CPT1A: variants seen among roughly 807,000 people sequenced by gnomAD.
The protein encoded by CPT1A is carnitine O-palmitoyltransferase 1, liver isoform.
CPT1A carries 64 observed loss-of-function variants against 100.8 expected under a neutral mutation model. That is an observed-to-expected ratio of 0.63 (90% CI 0.52 to 0.78). CPT1A has a LOEUF of 0.78. Ranked by LOEUF, CPT1A falls within the 30% of genes least tolerant of loss-of-function variation. The pLI is 0.00. For missense variants in CPT1A, 802 were observed against 1,034.1 expected (o/e 0.78, Z 3.08); for synonymous variants, 363 against 396.0 (o/e 0.92, Z 0.99).
At chr11:68,760,430 C>G (rs1212677560) in intron 16 of CPT1A, 92 bp from the exon 17 acceptor site, 6 of 967,016 alleles carry the variant, frequency 6.2e-6, no homozygotes, top group Non-Finnish European at 9.6e-6. Context: ...CTGGCTTGGT[C>G]TTTTGATTGT....
intron 15 of CPT1A, among the ~76,000 whole-genome samples, chr11:68,762,039 C>T (rs577486799): frequency 3.9e-5 from 6 of 152,336 alleles, no homozygotes; most frequent in East Asian, 3.9e-4. Flanking sequence ...TGGAGTCAGG[C>T]GGACCCAGTG....
intron 5 of CPT1A, among the ~76,000 whole-genome samples, chr11:68,803,760 A>AATAAAATAAAATAAAATAAG (rs1855968962): frequency 6.6e-6 from 1 of 150,878 alleles, no homozygotes; most frequent in Admixed American, 6.6e-5. Flanking sequence ...AATAAAATAA[A>AATAAAATAAAATAAAATAAG]GCTTTAAAAA....
chr11:68,783,655 G>T (rs950605749), intron 10 of CPT1A, among the ~76,000 whole-genome samples: 1 of 152,234 alleles, frequency 6.6e-6, no homozygotes, highest in African/African-American at 2.4e-5. Flanking sequence ...TCCCCCTGAT[G>T]CTGGGCAATG....
At chr11:68,827,871 T>C (rs879783) in intron 1 of CPT1A, among the ~76,000 whole-genome samples, 111,980 of 151,956 alleles carry the variant, frequency 0.74, 43,739 homozygotes, top group Non-Finnish European at 0.87. Context: ...AGCTGCCCCA[T>C]GCCCACCTAC....
chr11:68,758,068 G>A (rs1256950469), intron 18 of CPT1A, among the ~76,000 whole-genome samples: 8 of 152,128 alleles, frequency 5.3e-5, no homozygotes, highest in African/African-American at 1.9e-4. Flanking sequence ...AGGAGTTCAA[G>A]ACCAGCCTGG....
chr11:68,818,458 C>T (rs1594366732), intron 1 of CPT1A: 1 of 152,236 alleles, frequency 6.6e-6, no homozygotes, highest in East Asian at 1.9e-4. Flanking sequence ...CGGGAGGTAT[C>T]AGCACAGAAC....
intron 9 of CPT1A, chr11:68,785,770 T>C (rs1408621982): frequency 1.9e-6 from 1 of 521,062 alleles, no homozygotes; most frequent in East Asian, 3.3e-5. Flanking sequence ...TATTAATTAA[T>C]GACAATAGGG....
chr11:68,794,769 G>T, intron 8 of CPT1A, 35 bp downstream of exon 8: 1 of 1,526,026 alleles, frequency 6.6e-7, no homozygotes. Context: ...AAAGCTGTTT[G>T]AAAATAATTT....
chr11:68,762,380 A>G (rs1250662533), intron 15 of CPT1A, among the ~76,000 whole-genome samples: 1 of 152,218 alleles, frequency 6.6e-6, no homozygotes, highest in African/African-American at 2.4e-5. Flanking sequence ...GACTCTCAGG[A>G]AGTAGAATAT....
intron 1 of CPT1A, among the ~76,000 whole-genome samples, chr11:68,831,497 C>G (rs906714790): frequency 2.6e-5 from 4 of 152,184 alleles, no homozygotes; most frequent in African/African-American, 9.7e-5. Context: ...TAAATAATTT[C>G]TGAGTGGGGC....
chr11:68,787,462 A>G (rs1046984443), intron 9 of CPT1A, among the ~76,000 whole-genome samples: 2 of 151,636 alleles, frequency 1.3e-5, no homozygotes, highest in Non-Finnish European at 2.9e-5. Context: ...ACAGCTGGGT[A>G]GAAACACAGT....
At chr11:68,816,275 C>T (rs889419119) in intron 1 of CPT1A, among the ~76,000 whole-genome samples, 38 of 152,326 alleles carry the variant, frequency 2.5e-4, no homozygotes, top group Middle Eastern at 3.4e-3. Context: ...TTTCGAGAAA[C>T]TGTTCTAGGG....
intron 4 of CPT1A, among the ~76,000 whole-genome samples, chr11:68,804,421 C>A (rs1281955114): frequency 6.6e-6 from 1 of 152,118 alleles, no homozygotes; most frequent in Non-Finnish European, 1.5e-5. Context: ...CATGGCAAAA[C>A]CCCACCTCTA....
chr11:68,823,071 G>A (rs77957876), intron 1 of CPT1A, among the ~76,000 whole-genome samples: 1,786 of 151,974 alleles, frequency 0.012, 16 homozygotes, highest in Non-Finnish European at 0.02. Flanking sequence ...GCAACATGGC[G>A]AAACCCTGTC....
chr11:68,807,624 C>A lies in CPT1A; in HGVS notation c.296G>T (p.Ser99Ile). The A allele has an allele frequency of 6.2e-7, 1 of 1,614,104 alleles. No homozygotes were observed. Among genetic ancestry groups the A allele is most frequent in the African/African-American group, 1.3e-5 (1 of 75,066 alleles). The change falls in exon 4 of 19, where the codon AGC becomes ATC. Residue 99 changes from serine to isoleucine, a missense_variant. Around this residue, in one of 4 missense-constraint regions of CPT1A, gnomAD observed 161 missense variants for 183.7 expected, o/e 0.88. Coordinates refer to ENST00000265641, the MANE Select transcript of CPT1A (RefSeq NM_001876.4). ...GCCGCTGACCACGTTCTTCGTCTGG[C>A]TGGACATGCAGTTGCTGTGGAGACA... ...RTLETANCMS[S>I]QTKNVVSGVL...
intron 14 of CPT1A, among the ~76,000 whole-genome samples, chr11:68,767,647 G>A (rs1030645334): frequency 7.2e-5 from 11 of 151,988 alleles, no homozygotes; most frequent in African/African-American, 1.5e-4. Context: ...ATAATATTCC[G>A]CTGTGTGAAA....
At chr11:68,826,243 C>T (rs554488296) in intron 1 of CPT1A, among the ~76,000 whole-genome samples, 5 of 150,246 alleles carry the variant, frequency 3.3e-5, no homozygotes, top group Admixed American at 1.3e-4. Flanking sequence ...GTCAGGAGTT[C>T]GAGACCAGCC....
At chr11:68,808,976 A>T (rs1250926337) in intron 3 of CPT1A, among the ~76,000 whole-genome samples, 1 of 150,272 alleles carries the variant, frequency 6.7e-6, no homozygotes, top group East Asian at 1.9e-4. Context: ...ATAAAATAAG[A>T]AATAAAAAAT....
At chr11:68,829,774 T>G (rs1245963488) in intron 1 of CPT1A, among the ~76,000 whole-genome samples, 2 of 152,154 alleles carry the variant, frequency 1.3e-5, no homozygotes. Context: ...CCTTGCTGTG[T>G]GCCCCTGGGC....
Sources: gnomAD v4.1 joint callset for allele counts (sites outside exome capture counted in the v4.1 genomes callset) on GRCh38, gnomAD v4.1.1 for gene constraint, gnomAD v4.1.1 regional missense constraint, MANE v1.5 for transcripts, NCBI Gene and HGNC (gene_info 2026-07-23, HGNC 2026-07-21) for gene names.